The following NAALADL2 variants were observed in gnomAD, a reference collection of about 807,000 sequenced individuals.
The protein encoded by NAALADL2 is inactive N-acetylated-alpha-linked acidic dipeptidase-like protein 2.
Under a neutral mutation model 87.2 loss-of-function variants are expected in NAALADL2, and 76 were observed. That is an observed-to-expected ratio of 0.87 (90% CI 0.72 to 1.05). The LOEUF (loss-of-function observed/expected upper bound fraction) is 1.05, where lower values mean the gene tolerates loss of function less well. Ranked by LOEUF, NAALADL2 falls within the 50% of genes least tolerant of loss-of-function variation. The pLI is 0.00. For synonymous variants in NAALADL2, 354 were observed against 331.0 expected (o/e 1.07, Z -0.75); for missense variants, 1,089 against 945.8 (o/e 1.15, Z -1.99).
intron 5 of NAALADL2, among the ~76,000 whole-genome samples, chr3:175,343,937 C>T (rs964989809): frequency 1.4e-4 from 21 of 151,800 alleles, no homozygotes; most frequent in African/African-American, 5.1e-4. Flanking sequence ...AACCAGTCTT[C>T]TTTAAAAAAA....
chr3:175,019,782 A>C (rs1182406138), intron 1 of NAALADL2, among the ~76,000 whole-genome samples: 1 of 152,098 alleles, frequency 6.6e-6, no homozygotes, highest in Non-Finnish European at 1.5e-5. Context: ...ATGCCGTATC[A>C]AATGTCACTC....
intron 2 of NAALADL2, among the ~76,000 whole-genome samples, chr3:175,197,105 A>G (rs1241600473): frequency 6.6e-6 from 1 of 152,028 alleles, no homozygotes; most frequent in African/African-American, 2.4e-5. Context: ...TTTTAAATGG[A>G]TGCTTGCAAC....
intron 1 of NAALADL2, among the ~76,000 whole-genome samples, chr3:175,070,806 A>G (rs1715492966): frequency 6.6e-6 from 1 of 152,108 alleles, no homozygotes; most frequent in South Asian, 2.1e-4. Flanking sequence ...CATCACTAAT[A>G]TTTATTTGAA....
At chr3:174,842,700 G>A (rs1300767698) in intron 3 of NAALADL2, among the ~76,000 whole-genome samples, 2 of 151,946 alleles carry the variant, frequency 1.3e-5, no homozygotes, top group African/African-American at 4.8e-5. Flanking sequence ...CTTGACATCC[G>A]GCTTGGTACC....
intron 1 of NAALADL2, among the ~76,000 whole-genome samples, chr3:174,861,515 C>A (rs76969711): frequency 2.6e-5 from 4 of 152,056 alleles, no homozygotes; most frequent in African/African-American, 9.7e-5. Flanking sequence ...AAATAATACT[C>A]ATTGTCAGCT....
intron 13 of NAALADL2, among the ~76,000 whole-genome samples, chr3:175,780,846 A>G (rs1351200320): frequency 1.3e-5 from 2 of 152,226 alleles, no homozygotes; most frequent in Non-Finnish European, 2.9e-5. Context: ...ATATAGCAAT[A>G]TCACAATTAT....
At chr3:174,569,223 T>C (rs1317274755) in intron 2 of NAALADL2, among the ~76,000 whole-genome samples, 1 of 151,848 alleles carries the variant, frequency 6.6e-6, no homozygotes, top group Admixed American at 6.6e-5. Flanking sequence ...AGTAATAACG[T>C]TTGTATATCA....
chr3:175,441,388 G>A (rs776878962), intron 5 of NAALADL2, among the ~76,000 whole-genome samples: 1 of 152,094 alleles, frequency 6.6e-6, no homozygotes, highest in Non-Finnish European at 1.5e-5. Context: ...TAAGGGACTC[G>A]AGCATATGCA....
At chr3:174,564,747 C>T (rs2108519416) in intron 2 of NAALADL2, among the ~76,000 whole-genome samples, 2 of 151,932 alleles carry the variant, frequency 1.3e-5, no homozygotes, top group South Asian at 4.2e-4. Flanking sequence ...ACAAAATTGT[C>T]CTTCTAATCT....
In NAALADL2 at chr3:175,360,395, T is replaced by A. The variant is rs575573138; in HGVS notation, c.1090+36070T>A. Among the ~76,000 whole-genome samples, 7 of 152,212 alleles carry A rather than the reference T, an allele frequency of 4.6e-5. No homozygotes were observed. In the East Asian group the frequency reaches 1.4e-3, roughly 29 times the overall value. On this transcript the variant is annotated intron_variant, in intron 5 of 13. Transcript: ENST00000454872. ...CTTTTAAGCTGAAGATATTGAAGCA[T>A]GTTTCCCTCTTTCTTTCTCTTCTTT...
chr3:174,728,317 C>G (rs1244686598), intron 2 of NAALADL2, among the ~76,000 whole-genome samples: 1 of 151,850 alleles, frequency 6.6e-6, no homozygotes, highest in Non-Finnish European at 1.5e-5. Flanking sequence ...GGAATATGAA[C>G]TTATAATAAG....
intron 5 of NAALADL2, among the ~76,000 whole-genome samples, chr3:175,331,009 T>C (rs900431244): frequency 6.6e-6 from 1 of 152,144 alleles, no homozygotes; most frequent in Non-Finnish European, 1.5e-5. Flanking sequence ...AGGGGGACTA[T>C]TATGAACAAC....
At chr3:174,469,403 G>A (rs936831223) in intron 1 of NAALADL2, among the ~76,000 whole-genome samples, 2 of 150,760 alleles carry the variant, frequency 1.3e-5, no homozygotes, top group African/African-American at 2.4e-5. Context: ...GACTACAGGC[G>A]TGTGCCACCA....
intron 3 of NAALADL2, chr3:175,235,047 T>TA (rs1428850520): frequency 8.6e-6 from 1 of 116,454 alleles, no homozygotes; most frequent in African/African-American, 3.1e-5. Context: ...AGTGTAATTT[T>TA]AAAAAATACA....
rs537714241 is a variant in NAALADL2 at position 175,092,074 on chromosome 3, C to T, written c.44-4716C>T. On this transcript the variant is annotated intron_variant, in intron 1 of 13. Coordinates refer to ENST00000454872, the MANE Select transcript of NAALADL2 (RefSeq NM_207015.3). Reference sequence around the variant, plus strand: ...ACTGCAATTATTATTATTAGTGTATCGCTAATGTGTTAGACTATGTTTTGA... The same window carrying T: ...ACTGCAATTATTATTATTAGTGTATTGCTAATGTGTTAGACTATGTTTTGA... Among the ~76,000 whole-genome samples the T allele has an allele frequency of 5.3e-5, 8 of 151,850 alleles. No homozygotes were observed. In the East Asian group the frequency reaches 5.8e-4, roughly 11 times the overall value.
chr3:175,019,247 C>T (rs1317884843), intron 1 of NAALADL2, among the ~76,000 whole-genome samples: 8 of 152,044 alleles, frequency 5.3e-5, no homozygotes, highest in Admixed American at 5.3e-4. Flanking sequence ...TCATCTACAG[C>T]TCAGCACAGT....
intron 2 of NAALADL2, among the ~76,000 whole-genome samples, chr3:175,159,488 G>C (rs2108829738): frequency 6.6e-6 from 1 of 152,222 alleles, no homozygotes; most frequent in Non-Finnish European, 1.5e-5. Flanking sequence ...ATACATATTT[G>C]AATTTAGCCT....
At chr3:175,468,004 G>A (rs1363104384) in intron 8 of NAALADL2, among the ~76,000 whole-genome samples, 2 of 152,040 alleles carry the variant, frequency 1.3e-5, no homozygotes, top group East Asian at 3.9e-4. Flanking sequence ...AGGAAAGCAA[G>A]ATAATTTAAT....
intron 5 of NAALADL2, chr3:175,397,368 G>A (rs999837811): frequency 9.9e-5 from 15 of 151,776 alleles, no homozygotes; most frequent in African/African-American, 3.6e-4. Flanking sequence ...TTTCTAAACA[G>A]TTCTAAATTT....
Sources: gnomAD v4.1 joint callset for allele counts (sites outside exome capture counted in the v4.1 genomes callset) on GRCh38, gnomAD v4.1.1 for gene constraint, MANE v1.5 for transcripts, NCBI Gene and HGNC (gene_info 2026-07-23, HGNC 2026-07-21) for gene names.